Variants in MEG3 observed in about 807,000 individuals in gnomAD.
MEG3 encodes maternally expressed 3.
chr14:100,846,962 G>A (rs1336885521), intron 3 of MEG3: 1 of 151,586 alleles, frequency 6.6e-6, no homozygotes, highest in Non-Finnish European at 1.5e-5. Flanking sequence ...GCAAGTTAGG[G>A]AACAAGTGAT....
intron 1 of MEG3, chr14:100,860,562 T>C (rs910767504): frequency 2.3e-6 from 1 of 436,794 alleles, no homozygotes; most frequent in Admixed American, 2.4e-5. Flanking sequence ...TCCATGCTGC[T>C]AGGAGCCCGT....
At chr14:100,847,903 C>T (rs2037962508) in intron 3 of MEG3, 1 of 152,000 alleles carries the variant, frequency 6.6e-6, no homozygotes, top group African/African-American at 2.4e-5. Context: ...GAATAAATGC[C>T]TAATAAAAAG....
downstream of MEG3, chr14:100,829,424 G>C (rs1487796085): frequency 6.6e-6 from 1 of 152,220 alleles, no homozygotes; most frequent in Non-Finnish European, 1.5e-5. Context: ...CCAGCATCCT[G>C]CTGGCAACTC....
chr14:100,848,499 T>C (rs924004556), intron 3 of MEG3: 1 of 152,136 alleles, frequency 6.6e-6, no homozygotes. Context: ...GAGGAGGGCA[T>C]TGTAGACAGG....
At chr14:100,852,091 A>C (rs908306776) in intron 3 of MEG3, 8 of 312,938 alleles carry the variant, frequency 2.6e-5, no homozygotes, top group African/African-American at 1.8e-4. Context: ...GAGGCAGGGG[A>C]GTGGGGTGGG....
chr14:100,857,746 C>G (rs1252970479), exon 1 of MEG3: 1 of 152,222 alleles, frequency 6.6e-6, no homozygotes, highest in Non-Finnish European at 1.5e-5. Flanking sequence ...GTACCTGTCG[C>G]TGCCGTGAGG....
At chr14:100,849,438 C>T (rs910070086) in intron 3 of MEG3, 1 of 152,056 alleles carries the variant, frequency 6.6e-6, no homozygotes, top group Non-Finnish European at 1.5e-5. Context: ...GACACATGAA[C>T]GACTGAATTA....
At chr14:100,831,369 T>A (rs1460920199), downstream of MEG3, 1 of 152,712 alleles carries the variant, frequency 6.5e-6, no homozygotes, top group Non-Finnish European at 1.5e-5. Flanking sequence ...GCCTCCCAGG[T>A]CCCTGCTGTC....
rs946100746 is a variant in MEG3, at chr14:100,845,549, G to A, written n.3121+16G>A. The stretch of plus-strand genomic sequence containing the variant: ...GCTCGAAATCGTAAGTGGCTGGAGT[G>A]TAAAGAACACACATGTGGCCTTGCT... On this transcript the variant is annotated intron_variant and non_coding_transcript_variant, in intron 3 of 3. Coordinates refer to the MEG3 transcript ENST00000398461. This position sits in a 1 kb window ranked among gnomAD's most constrained non-coding sequence, Gnocchi z 5.2. The A allele has an allele frequency of 4.4e-6, 2 of 456,056 alleles. No individual in the cohort carries two copies. Among genetic ancestry groups the A allele is most frequent in the Non-Finnish European group, 4.4e-6 (1 of 226,664 alleles). 28.3% of individuals were successfully genotyped at this position (456,056 alleles called of 1,614,324 possible).
exon 1 of MEG3, chr14:100,859,127 A>AATTT (rs1458627976): frequency 6.6e-6 from 1 of 152,252 alleles, no homozygotes; most frequent in African/African-American, 2.4e-5. Context: ...GTAGGCACAT[A>AATTT]ATAGATGCTC....
intron 2 of MEG3, among the ~76,000 whole-genome samples, chr14:100,838,851 C>T (rs548837442): frequency 1.3e-5 from 2 of 152,212 alleles, no homozygotes; most frequent in African/African-American, 4.8e-5. Flanking sequence ...ACCCCTCATT[C>T]GCTCACTCGC....
At chr14:100,833,053 C>T (rs1165815205), downstream of MEG3, 2 of 152,190 alleles carry the variant, frequency 1.3e-5, no homozygotes, top group Admixed American at 6.5e-5. Flanking sequence ...GGAGTGACTA[C>T]AATGTGAATA....
At chr14:100,829,210 A>C (rs969116099), downstream of MEG3, 8 of 152,192 alleles carry the variant, frequency 5.3e-5, no homozygotes, top group Admixed American at 2.0e-4. Flanking sequence ...TTAAGCCCTG[A>C]CCTTTGCTAT....
chr14:100,854,167 C>T (rs1213252129), upstream of MEG3: 1 of 152,238 alleles, frequency 6.6e-6, no homozygotes, highest in Non-Finnish European at 1.5e-5. Flanking sequence ...AATGTATGAC[C>T]ACTTAATTAA....
At chr14:100,840,651 G>A (rs1469106367) in intron 2 of MEG3, among the ~76,000 whole-genome samples, 2 of 152,192 alleles carry the variant, frequency 1.3e-5, no homozygotes, top group African/African-American at 4.8e-5. Flanking sequence ...CCAGCCACTG[G>A]GTTCGCGCGA....
exon 1 of MEG3, chr14:100,835,844 T>C: frequency 3.8e-6 from 1 of 264,510 alleles, no homozygotes; most frequent in South Asian, 3.9e-5. Flanking sequence ...GACAGACTCC[T>C]GTCCCATCCC....
intron 1 of MEG3, among the ~76,000 whole-genome samples, chr14:100,828,160 C>A (rs2037298717): frequency 2.0e-5 from 3 of 152,042 alleles, no homozygotes; most frequent in Non-Finnish European, 4.4e-5. Context: ...CCCTGTCCAT[C>A]CAGGCCCGCC....
chr14:100,842,066 G>A (rs533171820), intron 2 of MEG3, among the ~76,000 whole-genome samples: 1 of 152,338 alleles, frequency 6.6e-6, no homozygotes, highest in African/African-American at 2.4e-5. Flanking sequence ...TCTGTGTGCT[G>A]CAGTGTGTAG....
At chr14:100,853,259 A>AT (rs1189022862), upstream of MEG3, 1 of 152,048 alleles carries the variant, frequency 6.6e-6, no homozygotes, top group African/African-American at 2.4e-5. Flanking sequence ...CCACACACAA[A>AT]TCCTTTCCTG....
Sources: allele counts gnomAD v4.1 joint callset (sites outside exome capture counted in the v4.1 genomes callset), GRCh38; gene constraint gnomAD v4.1.1; non-coding constraint Gnocchi (gnomAD v3.1); transcripts MANE v1.5; gene names NCBI Gene and HGNC (gene_info 2026-07-23, HGNC 2026-07-21).